Variants in AGBL4 observed in about 807,000 individuals in gnomAD.
AGBL4 encodes the protein cytosolic carboxypeptidase 6.
AGBL4 carries 58 observed loss-of-function variants against 66.4 expected under a neutral mutation model. The observed-to-expected ratio is 0.87, with a 90% CI of 0.71 to 1.09. AGBL4 has a LOEUF of 1.09. Among genes scored for constraint, AGBL4 ranks in the 50% least tolerant of loss-of-function variants. The pLI is 0.00. For missense variants in AGBL4, 579 were observed against 631.0 expected, an observed-to-expected ratio of 0.92 and a Z score of 0.88; for synonymous variants, 234 against 222.9, an observed-to-expected ratio of 1.05 and a Z score of -0.44.
At chr1:48,929,268 C>A (rs747529518) in intron 5 of AGBL4, among the ~76,000 whole-genome samples, 4 of 152,134 alleles carry the variant, frequency 2.6e-5, no homozygotes, top group Non-Finnish European at 4.4e-5. Context: ...ACAATCTGGC[C>A]CCACCTACAT....
chr1:49,051,701 C>T lies in AGBL4; in HGVS notation c.378-5901G>A, dbSNP rs576920811. Among the ~76,000 whole-genome samples, 6 of 152,162 alleles carry T rather than the reference C, an allele frequency of 3.9e-5. 1 individual carries two copies. The South Asian group carries it at 1.2e-3, about 32-fold the overall frequency. ...ATGGATACCCATTTTCTAAATGCACCCTCCCTAGGCAAACAGGACCTATTC... is the reference window on the plus strand; with the variant it reads ...ATGGATACCCATTTTCTAAATGCACTCTCCCTAGGCAAACAGGACCTATTC... On this transcript the variant is annotated intron_variant, in intron 4 of 13. Coordinates refer to ENST00000371839, the MANE Select transcript of AGBL4 (RefSeq NM_032785.4).
intron 6 of AGBL4, among the ~76,000 whole-genome samples, chr1:48,735,336 C>T (rs1648850299): frequency 6.6e-6 from 1 of 152,008 alleles, no homozygotes; most frequent in African/African-American, 2.4e-5. Context: ...TCTTACCCCT[C>T]TTTGTGTCTT....
intron 6 of AGBL4, among the ~76,000 whole-genome samples, chr1:48,756,240 A>T (rs1643918483): frequency 6.6e-6 from 1 of 152,208 alleles, no homozygotes; most frequent in Non-Finnish European, 1.5e-5. Flanking sequence ...ACAAAAATTC[A>T]TCATTCAGGC....
At chr1:49,652,988 T>A (rs1311699471) in intron 3 of AGBL4, among the ~76,000 whole-genome samples, 8 of 151,918 alleles carry the variant, frequency 5.3e-5, no homozygotes, top group Non-Finnish European at 1.2e-4. Flanking sequence ...TTTAAGTGGG[T>A]CCCTGATCCC....
At chr1:48,536,571 A>G (rs1643973924) in intron 12 of AGBL4, among the ~76,000 whole-genome samples, 1 of 152,168 alleles carries the variant, frequency 6.6e-6, no homozygotes, top group Non-Finnish European at 1.5e-5. Context: ...GCTATTTATA[A>G]TCCTCTAGCA....
intron 3 of AGBL4, among the ~76,000 whole-genome samples, chr1:49,408,825 G>A (rs1645257786): frequency 6.6e-6 from 1 of 152,198 alleles, no homozygotes; most frequent in African/African-American, 2.4e-5. Flanking sequence ...TTGCTCCTCA[G>A]CTGGCAGACA....
At chr1:49,332,665 T>C (rs1402928604) in intron 3 of AGBL4, among the ~76,000 whole-genome samples, 4 of 152,212 alleles carry the variant, frequency 2.6e-5, no homozygotes, top group Non-Finnish European at 5.9e-5. Context: ...TGAATCTTAG[T>C]AACATCAAGT....
At chr1:48,897,273 G>T (rs1557437220) in intron 5 of AGBL4, among the ~76,000 whole-genome samples, 1 of 152,086 alleles carries the variant, frequency 6.6e-6, no homozygotes, top group Non-Finnish European at 1.5e-5. Flanking sequence ...TTAACATAGT[G>T]GTCTCCAGTA....
intron 2 of AGBL4, among the ~76,000 whole-genome samples, chr1:49,838,468 G>A (rs1645908418): frequency 1.3e-5 from 2 of 152,182 alleles, no homozygotes; most frequent in Admixed American, 1.3e-4. Flanking sequence ...ACACTACAGA[G>A]CAAAGGTGGA....
intron 3 of AGBL4, among the ~76,000 whole-genome samples, chr1:49,299,029 G>C (rs942158130): frequency 1.3e-5 from 2 of 151,840 alleles, no homozygotes; most frequent in African/African-American, 4.8e-5. Context: ...GACCATTGCC[G>C]TTTACTAAGT....
chr1:49,427,345 TAGAA>T (rs1230081861), intron 3 of AGBL4, among the ~76,000 whole-genome samples: 4 of 152,054 alleles, frequency 2.6e-5, no homozygotes, highest in Non-Finnish European at 5.9e-5. Context: ...ATTTAGAATT[TAGAA>T]AGAAAGGATA....
At chr1:49,519,464 C>T (rs1365955245) in intron 3 of AGBL4, among the ~76,000 whole-genome samples, 3 of 151,988 alleles carry the variant, frequency 2.0e-5, no homozygotes, top group East Asian at 1.9e-4. Flanking sequence ...TTATTTAATA[C>T]CGGAGTTCAT....
intron 4 of AGBL4, among the ~76,000 whole-genome samples, chr1:49,149,217 A>C (rs1268580202): frequency 6.6e-6 from 1 of 152,210 alleles, no homozygotes; most frequent in Non-Finnish European, 1.5e-5. Flanking sequence ...GTTCTCCAGA[A>C]GTAGCTGTCC....
chr1:48,769,189 C>T (rs2148685242), intron 6 of AGBL4, among the ~76,000 whole-genome samples: 1 of 152,262 alleles, frequency 6.6e-6, no homozygotes, highest in South Asian at 2.1e-4. Context: ...TGTAGGGTAA[C>T]AGTAGATGAG....
chr1:48,890,619 ATTGTGGATGTCCTT>A (rs1650847372), intron 5 of AGBL4, among the ~76,000 whole-genome samples: 1 of 152,120 alleles, frequency 6.6e-6, no homozygotes, highest in Non-Finnish European at 1.5e-5. Flanking sequence ...GAGACTGTGG[ATTGTGGATGTCCTT>A]GAGGGGAAAA....
At chr1:49,044,361 T>C (rs548266250) in intron 5 of AGBL4, among the ~76,000 whole-genome samples, 4 of 152,102 alleles carry the variant, frequency 2.6e-5, no homozygotes, top group African/African-American at 9.6e-5. Flanking sequence ...CTGGGTGTGG[T>C]GGCTGTAATC....
chr1:49,063,588 A>G (rs192785908), intron 4 of AGBL4, among the ~76,000 whole-genome samples: 3 of 152,346 alleles, frequency 2.0e-5, no homozygotes, highest in Admixed American at 2.0e-4. Flanking sequence ...TTAGTTTATA[A>G]AACAAGGTTT....
intron 5 of AGBL4, among the ~76,000 whole-genome samples, chr1:48,944,741 C>T (rs1656317040): frequency 6.6e-6 from 1 of 152,136 alleles, no homozygotes; most frequent in African/African-American, 2.4e-5. Context: ...CCCCTTTCTT[C>T]TTGATCAAAC....
chr1:48,761,557 A>G (rs1372016565), intron 6 of AGBL4: 1 of 1,360,016 alleles, frequency 7.4e-7, no homozygotes, highest in Non-Finnish European at 9.9e-7. Context: ...CAAATGCTAG[A>G]AAATAATTGA....
Sources: allele counts gnomAD v4.1 joint callset (sites outside exome capture counted in the v4.1 genomes callset), GRCh38; gene constraint gnomAD v4.1.1; transcripts MANE v1.5; gene names NCBI Gene and HGNC (gene_info 2026-07-23, HGNC 2026-07-21).